MYO16: variants seen among roughly 807,000 people sequenced by gnomAD.
MYO16 encodes the protein myosin XVI, also known as unconventional myosin-XVI.
A neutral mutation model predicts 205.3 loss-of-function variants in MYO16; 94 were observed. That is an observed-to-expected ratio of 0.46 (90% confidence interval 0.39 to 0.54). The LOEUF (loss-of-function observed/expected upper bound fraction) is 0.54. Ranked by LOEUF, MYO16 falls within the 20% of genes least tolerant of loss-of-function variation. The probability of loss-of-function intolerance (pLI) is 0.00; values close to 1 mark genes in which losing one functional copy is unlikely to be tolerated. For missense variants in MYO16, 2,315 were observed against 2,387.5 expected (o/e 0.97, Z 0.63); for synonymous variants, 988 against 954.0 (o/e 1.04, Z -0.66).
intron 23 of MYO16, among the ~76,000 whole-genome samples, chr13:109,043,758 CCCAGA>C (rs537082769): frequency 1.2e-3 from 188 of 152,144 alleles, no homozygotes; most frequent in Middle Eastern, 3.4e-3. Context: ...GGGAGGGGAT[CCCAGA>C]TGGCACCCTG....
At chr13:108,623,549 G>C (rs1879618950) in intron 1 of MYO16, among the ~76,000 whole-genome samples, 1 of 152,114 alleles carries the variant, frequency 6.6e-6, no homozygotes. Context: ...CTACATGCTT[G>C]AATGAAGAAG....
At chr13:108,863,447 A>G (rs1878550872) in intron 11 of MYO16, among the ~76,000 whole-genome samples, 1 of 152,166 alleles carries the variant, frequency 6.6e-6, no homozygotes, top group Non-Finnish European at 1.5e-5. Context: ...CTGTTTATGC[A>G]GATGATCATA....
chr13:108,804,549 C>T (rs2138976360), intron 6 of MYO16, among the ~76,000 whole-genome samples: 1 of 152,176 alleles, frequency 6.6e-6, no homozygotes, highest in Non-Finnish European at 1.5e-5. Flanking sequence ...CTAGGTCTAA[C>T]ATGTTCTTAG....
rs550148240 is a variant in MYO16, at chr13:108,869,217, C to A, written c.1425+2975C>A. Among the ~76,000 whole-genome samples, 3 of 152,026 alleles carry A rather than the reference C, an allele frequency of 2.0e-5. No homozygotes were observed. In the East Asian group the frequency reaches 5.8e-4, roughly 29 times the overall value. On this transcript the variant is annotated intron_variant, in intron 12 of 34. Transcript: ENST00000457511. Reference sequence around the variant, plus strand: ...ATTTACAGTTCAATTTAGAAACAGACAAAAAATGTTAGTAGTACTGAGTCT... The same window carrying A: ...ATTTACAGTTCAATTTAGAAACAGAAAAAAAATGTTAGTAGTACTGAGTCT...
chr13:108,606,533 A>G (rs1878965085), intron 1 of MYO16, among the ~76,000 whole-genome samples: 1 of 152,176 alleles, frequency 6.6e-6, no homozygotes, highest in African/African-American at 2.4e-5. Context: ...TCCTCTGGGT[A>G]CACGGAAGTC....
chr13:108,998,933 G>C (rs1885126311), intron 21 of MYO16, among the ~76,000 whole-genome samples: 1 of 152,202 alleles, frequency 6.6e-6, no homozygotes, highest in Non-Finnish European at 1.5e-5. Flanking sequence ...GAAGCTGGAT[G>C]CTTTTTTTGA....
the MYO16 span, among the ~76,000 whole-genome samples, chr13:108,541,479 A>AATAG: frequency 6.6e-6 from 1 of 151,862 alleles, no homozygotes; most frequent in African/African-American, 2.4e-5. Context: ...TATAATATTG[A>AATAG]ATAGATAATT....
intron 1 of MYO16, among the ~76,000 whole-genome samples, chr13:108,617,799 A>C (rs1056475994): frequency 6.6e-6 from 1 of 152,208 alleles, no homozygotes; most frequent in African/African-American, 2.4e-5. Context: ...CTTACTGAGT[A>C]CCCAATAGAT....
intron 20 of MYO16, among the ~76,000 whole-genome samples, chr13:108,989,239 G>A (rs1004470682): frequency 6.6e-6 from 1 of 152,140 alleles, no homozygotes; most frequent in East Asian, 1.9e-4. Context: ...GAATACTAAA[G>A]GTATACATTT....
intron 25 of MYO16, 25 bp downstream of exon 25, chr13:109,052,500 G>T: frequency 6.7e-7 from 1 of 1,502,500 alleles, no homozygotes. Flanking sequence ...GATTATTGTT[G>T]GATTATTTTT....
At chr13:108,912,944 A>C (rs1881331208) in intron 16 of MYO16, among the ~76,000 whole-genome samples, 1 of 152,134 alleles carries the variant, frequency 6.6e-6, no homozygotes, top group South Asian at 2.1e-4. Flanking sequence ...TAACTTCTTG[A>C]TCTGTGGTTT....
chr13:108,723,230 G>A (rs1337529148), intron 3 of MYO16, among the ~76,000 whole-genome samples: 3 of 141,328 alleles, frequency 2.1e-5, no homozygotes, highest in African/African-American at 8.0e-5. Flanking sequence ...TGAATTTTGA[G>A]AGTTCTTTGT....
intron 1 of MYO16, among the ~76,000 whole-genome samples, chr13:108,630,967 A>G (rs908902793): frequency 1.3e-5 from 2 of 152,234 alleles, no homozygotes; most frequent in Non-Finnish European, 2.9e-5. Flanking sequence ...AACAATTTCA[A>G]TTCCCAAAAG....
chr13:109,203,680 C>A (rs1880489726), intron 34 of MYO16, among the ~76,000 whole-genome samples: 1 of 152,182 alleles, frequency 6.6e-6, no homozygotes, highest in South Asian at 2.1e-4. Flanking sequence ...CCTGACTCTG[C>A]AGCCTTGTGC....
chr13:108,600,839 T>G (rs937904989), intron 1 of MYO16, among the ~76,000 whole-genome samples: 1 of 152,240 alleles, frequency 6.6e-6, no homozygotes, highest in African/African-American at 2.4e-5. Context: ...TGCCAACCTG[T>G]ATTTATTTTA....
intron 21 of MYO16, among the ~76,000 whole-genome samples, chr13:109,000,836 T>A (rs1261500615): frequency 6.6e-6 from 1 of 152,122 alleles, no homozygotes; most frequent in Non-Finnish European, 1.5e-5. Flanking sequence ...ATATAAGATT[T>A]GTCAATAAAT....
chr13:109,015,770 T>C (rs1160401448), intron 22 of MYO16, among the ~76,000 whole-genome samples: 3 of 152,256 alleles, frequency 2.0e-5, no homozygotes, highest in Non-Finnish European at 4.4e-5. Flanking sequence ...TAGTATTCTC[T>C]GATGGTAGTT....
At chr13:108,504,350 C>T in the MYO16 span, among the ~76,000 whole-genome samples, 3 of 151,840 alleles carry the variant, frequency 2.0e-5, no homozygotes, top group Non-Finnish European at 4.4e-5. Flanking sequence ...TGGTCTTGAA[C>T]CCCTGACCTC....
At chr13:108,897,491 G>A (rs1324600173) in intron 14 of MYO16, among the ~76,000 whole-genome samples, 1 of 152,178 alleles carries the variant, frequency 6.6e-6, no homozygotes, top group African/African-American at 2.4e-5. Context: ...TTGGTGTGAG[G>A]CAAAAGCACG....
Sources: allele counts gnomAD v4.1 joint callset (sites outside exome capture counted in the v4.1 genomes callset), GRCh38; gene constraint gnomAD v4.1.1; transcripts MANE v1.5; gene names NCBI Gene and HGNC (gene_info 2026-07-23, HGNC 2026-07-21).